Variants in LONRF2 observed in about 807,000 individuals in gnomAD.
LONRF2 encodes the protein LON peptidase N-terminal domain and RING finger protein 2.
In LONRF2, 35 loss-of-function variants were observed where a neutral mutation model predicts 66.6. The ratio of observed to expected loss-of-function variants is 0.53; its 90% CI spans 0.40 to 0.70. The LOEUF (loss-of-function observed/expected upper bound fraction) is 0.70. Among genes scored for constraint, LONRF2 ranks in the 30% least tolerant of loss-of-function variants. LONRF2 has a pLI of 0.00. For synonymous variants in LONRF2, 417 were observed against 418.1 expected (o/e 1.00, Z 0.03); for missense variants, 902 against 1,002.1 (o/e 0.90, Z 1.35).
intron 7 of LONRF2, among the ~76,000 whole-genome samples, chr2:100,296,208 G>A (rs963923352): frequency 2.7e-4 from 41 of 152,218 alleles, no homozygotes; most frequent in Admixed American, 1.6e-3. Context: ...GTGTGTGCGC[G>A]TGTGTATGTG....
intron 9 of LONRF2, 30 bp downstream of exon 9, chr2:100,294,199 C>G: frequency 6.2e-7 from 1 of 1,601,752 alleles, no homozygotes; most frequent in Non-Finnish European, 8.5e-7. Context: ...TTCATTAGGA[C>G]CCTTTGAACC....
chr2:100,308,420 A>G (rs1335374388), intron 2 of LONRF2, among the ~76,000 whole-genome samples: 1 of 152,252 alleles, frequency 6.6e-6, no homozygotes, highest in Non-Finnish European at 1.5e-5. Flanking sequence ...TTTATAAAAC[A>G]AAGTTGATAT....
intron 1 of LONRF2, among the ~76,000 whole-genome samples, chr2:100,314,524 G>C (rs1391721779): frequency 6.6e-6 from 1 of 152,050 alleles, no homozygotes; most frequent in Non-Finnish European, 1.5e-5. Context: ...CTGCATTAGA[G>C]GTCTCAGTAA....
At chr2:100,300,021 G>GGA in intron 4 of LONRF2, 103 bp from the exon 5 acceptor site, 2 of 581,472 alleles carry the variant, frequency 3.4e-6, no homozygotes, top group Non-Finnish European at 5.8e-6. Context: ...AAAAAAAAAG[G>GGA]GGGGGGCATA....
chr2:100,286,662 G>A (rs923249673), intron 11 of LONRF2, among the ~76,000 whole-genome samples: 2 of 152,236 alleles, frequency 1.3e-5, no homozygotes, highest in African/African-American at 4.8e-5. Flanking sequence ...TACAAAAGCT[G>A]ACAGCCAAGC....
intron 3 of LONRF2, among the ~76,000 whole-genome samples, 182 bp downstream of exon 3, chr2:100,302,739 A>AT (rs1675210422): frequency 6.6e-6 from 1 of 152,192 alleles, no homozygotes; most frequent in Admixed American, 6.5e-5. Flanking sequence ...ACAAAATATA[A>AT]TGTTTACCTA....
rs1164768205 is a variant in LONRF2 at position 100,282,127 on chromosome 2, G to A, written c.*2171C>T. On this transcript the variant is annotated 3_prime_UTR_variant, in exon 12 of 12. Transcript: ENST00000393437. ...AAAAATAAAAACGTATGTTGCTCTC[G>A]TCTGCGTCATCATTGTTGTTCAGAC... 2 of 152,166 alleles carry A rather than the reference G, an allele frequency of 1.3e-5. No individual in the cohort carries two copies. Among genetic ancestry groups the A allele is most frequent in the African/African-American group, 2.4e-5 (1 of 41,434 alleles). 9.4% of individuals were successfully genotyped at this position (152,166 alleles called of 1,614,324 possible).
chr2:100,279,487 C>T lies in LONRF2; in HGVS notation c.*4811G>A, dbSNP rs1674667689. 6.6e-6 allele frequency: 1 copy of T among 152,178 alleles called. No individual in the cohort carries two copies. Among genetic ancestry groups the T allele is most frequent in the African/African-American group, 2.4e-5 (1 of 41,436 alleles). The allele number at this position is 152,178 out of a possible 1,614,324, so 9.4% of individuals were successfully genotyped here. On this transcript the variant is annotated 3_prime_UTR_variant, in exon 12 of 12. Transcript: ENST00000393437. ...GCTCTTCAGGGCAACGTATGCCCTACTCTTTAAAAGTTTCTGCTATCAAAA... is the reference window on the plus strand; with the variant it reads ...GCTCTTCAGGGCAACGTATGCCCTATTCTTTAAAAGTTTCTGCTATCAAAA...
At chr2:100,289,744 T>G (rs1358712706) in intron 10 of LONRF2, among the ~76,000 whole-genome samples, 2 of 152,148 alleles carry the variant, frequency 1.3e-5, no homozygotes, top group African/African-American at 2.4e-5. Flanking sequence ...CCAGATCATT[T>G]TTTTAAAAGG....
At chr2:100,290,122 G>A (rs1482940666) in intron 10 of LONRF2, 136 bp downstream of exon 10, 6 of 766,528 alleles carry the variant, frequency 7.8e-6, no homozygotes, top group Non-Finnish European at 9.8e-6. Context: ...TAAACAAATA[G>A]ATAAATAAAT....
intron 1 of LONRF2, among the ~76,000 whole-genome samples, chr2:100,311,378 A>G (rs548839494): frequency 5.4e-4 from 82 of 152,226 alleles, no homozygotes; most frequent in Non-Finnish European, 9.3e-4. Context: ...TTTGGAAAAA[A>G]AAAATGTGCT....
chr2:100,306,768 C>G (rs1675299382), intron 2 of LONRF2, among the ~76,000 whole-genome samples: 1 of 152,162 alleles, frequency 6.6e-6, no homozygotes, highest in African/African-American at 2.4e-5. Context: ...TCACACTCAG[C>G]CACCTTAGTC....
Position 100,307,212 on chromosome 2 carries a change from G to A in LONRF2, c.798+1895C>T, listed in dbSNP as rs530082158. Reference sequence around the variant, plus strand: ...TGGGATTACAGGCGTGAGCCACCGCGCCCGGCCTAAACTTACTTATTAAAC... The same window carrying A: ...TGGGATTACAGGCGTGAGCCACCGCACCCGGCCTAAACTTACTTATTAAAC... On this transcript the variant is annotated intron_variant, in intron 2 of 11. Transcript: ENST00000393437. Among the ~76,000 whole-genome samples, 7 of 152,210 alleles carry A rather than the reference G, an allele frequency of 4.6e-5. No individual in the cohort carries two copies. The East Asian group carries it at 5.8e-4, about 13-fold the overall frequency.
Position 100,322,010 on chromosome 2 carries a change from C to A in LONRF2, c.84G>T (p.Glu28Asp). 7.0e-7 allele frequency: 1 copy of A among 1,433,224 alleles called. No individual in the cohort carries two copies. The highest frequency in any genetic ancestry group is 1.5e-5 in the African/African-American group (1 of 67,720). 88.8% of individuals were successfully genotyped at this position (1,433,224 alleles called of 1,614,324 possible). A position where few individuals can be genotyped will look rare whatever the true frequency, so the allele number is the denominator to read the frequency against. The change falls in exon 1 of 12, where the codon GAG becomes GAT. Residue 28 changes from glutamate to aspartate, a missense_variant. Around this residue, in one of 2 missense-constraint regions of LONRF2, gnomAD observed 585 missense variants for 569.9 expected, o/e 1.03. Transcript: ENST00000393437. ...DRAEPIAQRL[E>D]EGDEAFRAGD... is the part of the protein sequence containing the mutation. ...CCGCGCGGAAGGCCTCGTCGCCCTC[C>A]TCTAAGCGCTGGGCGATCGGCTCCG... is the stretch of plus-strand genomic sequence containing the variant.
chr2:100,293,346 G>T (rs1322906103), intron 9 of LONRF2, among the ~76,000 whole-genome samples: 1 of 152,310 alleles, frequency 6.6e-6, no homozygotes, highest in East Asian at 1.9e-4. Flanking sequence ...TATTTATGGT[G>T]GAAAATTCTG....
chr2:100,295,869 G>C (rs1168513799), intron 7 of LONRF2, among the ~76,000 whole-genome samples: 3 of 152,206 alleles, frequency 2.0e-5, no homozygotes, highest in Non-Finnish European at 4.4e-5. Flanking sequence ...GGAGAGGAGA[G>C]ACTTTTGCAA....
intron 1 of LONRF2, among the ~76,000 whole-genome samples, chr2:100,313,656 A>T (rs1183875889): frequency 1.3e-5 from 2 of 152,188 alleles, no homozygotes; most frequent in Non-Finnish European, 2.9e-5. Flanking sequence ...TTAGGTGTAT[A>T]TCTCAACCTT....
rs929972765 is a variant in LONRF2 at position 100,275,232 on chromosome 2, A to C, written c.*9066T>G. 6.6e-6 allele frequency: 1 copy of C among 152,292 alleles called. No homozygotes were observed. Among genetic ancestry groups the C allele is most frequent in the Non-Finnish European group, 1.5e-5 (1 of 68,090 alleles). 9.4% of individuals were successfully genotyped at this position (152,292 alleles called of 1,614,324 possible). On this transcript the variant is annotated 3_prime_UTR_variant, in exon 12 of 12. Transcript: ENST00000393437. ...TGGGTATAATTGTATAATTGGATGC[A>C]CTGGGTCCCTCTGAATTCCCTACCT...
Position 100,321,733 on chromosome 2 carries a change from C to T in LONRF2, c.361G>A (p.Glu121Lys). 9.0e-7 allele frequency: 1 copy of T among 1,116,010 alleles called. No individual in the cohort carries two copies. The highest frequency in any genetic ancestry group is 1.1e-6 in the Non-Finnish European group (1 of 916,612). 69.1% of individuals were successfully genotyped at this position (1,116,010 alleles called of 1,614,324 possible). A position where few individuals can be genotyped will look rare whatever the true frequency, so the allele number is the denominator to read the frequency against. The part of the protein sequence containing the change: ...RPLSAENPGG[E>K]PEAPGEGGPA... ...CCTCCCTCGCCGGGCGCCTCGGGCT[C>T]GCCGCCCGGGTTCTCCGCGGACAGC... The change falls in exon 1 of 12, where the codon GAG (glutamate) becomes AAG (lysine). Residue 121 changes from glutamate (E) to lysine (K), a missense_variant. This residue lies in a region of LONRF2 where 585 missense variants were observed against 569.9 expected (regional missense o/e 1.03). Transcript: ENST00000393437.
Sources: gnomAD v4.1 joint callset for allele counts (sites outside exome capture counted in the v4.1 genomes callset) on GRCh38, gnomAD v4.1.1 for gene constraint, gnomAD v4.1.1 regional missense constraint, MANE v1.5 for transcripts, NCBI Gene and HGNC (gene_info 2026-07-23, HGNC 2026-07-21) for gene names.